The following PACRG variants were observed in gnomAD, a reference collection of about 807,000 sequenced individuals.
The protein encoded by PACRG is parkin coregulated, also known as parkin coregulated gene protein.
Under a neutral mutation model 29.7 loss-of-function variants are expected in PACRG, and 29 were observed. That is an observed-to-expected ratio of 0.98 (90% confidence interval 0.73 to 1.33). PACRG has a LOEUF of 1.33. PACRG is among the 40% of genes most tolerant of loss of function. PACRG has a pLI of 0.00. For missense variants in PACRG, 279 were observed against 316.2 expected (o/e 0.88, Z 0.89); for synonymous variants, 116 against 118.7 (o/e 0.98, Z 0.15).
chr6:162,823,372 C>A (rs9365493), intron 2 of PACRG, among the ~76,000 whole-genome samples: 10,564 of 152,056 alleles, frequency 0.069, 504 homozygotes, highest in East Asian at 0.28. Context: ...TACTCTGTCC[C>A]AATTTTCTGT....
chr6:162,743,645 T>C (rs571114653), intron 1 of PACRG, among the ~76,000 whole-genome samples: 18 of 152,314 alleles, frequency 1.2e-4, no homozygotes, highest in African/African-American at 4.3e-4. Context: ...TGCTTTCCAT[T>C]ATTAAACTTT....
chr6:163,233,704 T>A (rs1459226520), intron 4 of PACRG, among the ~76,000 whole-genome samples: 1 of 152,100 alleles, frequency 6.6e-6, no homozygotes, highest in Non-Finnish European at 1.5e-5. Context: ...AATGGAAATA[T>A]TTGAAAAATA....
intron 4 of PACRG, chr6:163,245,142 A>G (rs1019161111): frequency 1.8e-5 from 7 of 395,560 alleles, no homozygotes; most frequent in African/African-American, 1.5e-4. Flanking sequence ...ATTAATTCCA[A>G]ACTAAATAAA....
chr6:163,066,338 G>A (rs559757872), intron 3 of PACRG, among the ~76,000 whole-genome samples: 10 of 152,276 alleles, frequency 6.6e-5, no homozygotes, highest in Admixed American at 5.2e-4. Flanking sequence ...CACTGTGGAC[G>A]CAGTGACTGC....
At chr6:163,192,138 G>T (rs2128361695) in intron 4 of PACRG, 1 of 160,420 alleles carries the variant, frequency 6.2e-6, no homozygotes, top group Middle Eastern at 3.2e-3. Context: ...GTCCCCAGAA[G>T]CCAGCTGACT....
Position 163,158,986 on chromosome 6 carries a change from G to C in PACRG, c.613+69578G>C, listed in dbSNP as rs1778438504. ...TGAATAGACCTCTATCATGTTGCTT[G>C]GAGGTAGAACATGCCTTTAAGAATA... is the stretch of plus-strand genomic sequence containing the variant. On this transcript the variant is annotated intron_variant, in intron 4 of 4. Transcript: ENST00000366888. 2.0e-5 allele frequency among the ~76,000 whole-genome samples: 3 copies of C among 152,140 alleles called. No homozygotes were observed. In the South Asian group the frequency reaches 6.2e-4, roughly 31 times the overall value.
At chr6:162,743,518 T>G (rs933204688) in intron 1 of PACRG, among the ~76,000 whole-genome samples, 1 of 152,174 alleles carries the variant, frequency 6.6e-6, no homozygotes. Context: ...GTTTTTTCCT[T>G]GATTGGATTT....
At chr6:162,978,017 G>T (rs867063392) in intron 2 of PACRG, among the ~76,000 whole-genome samples, 1 of 151,624 alleles carries the variant, frequency 6.6e-6, no homozygotes, top group Non-Finnish European at 1.5e-5. Flanking sequence ...GTTGGCAGGC[G>T]CCTGTAATCC....
chr6:163,305,591 G>A (rs1042308789), intron 4 of PACRG, among the ~76,000 whole-genome samples: 12 of 152,140 alleles, frequency 7.9e-5, no homozygotes, highest in Admixed American at 6.5e-5. Flanking sequence ...AAAGATGGGG[G>A]TATGAAATGT....
chr6:163,279,993 C>T (rs1295302180), intron 4 of PACRG, among the ~76,000 whole-genome samples: 1 of 152,200 alleles, frequency 6.6e-6, no homozygotes, highest in African/African-American at 2.4e-5. Flanking sequence ...TGAGGTTCAT[C>T]CTTTGCACTG....
At chr6:162,924,151 T>C (rs1415372667) in intron 2 of PACRG, among the ~76,000 whole-genome samples, 1 of 152,126 alleles carries the variant, frequency 6.6e-6, no homozygotes, top group Non-Finnish European at 1.5e-5. Flanking sequence ...GTATAACTAT[T>C]GTAAATAGGA....
At chr6:163,223,175 C>A (rs1306924467) in intron 4 of PACRG, among the ~76,000 whole-genome samples, 7 of 152,160 alleles carry the variant, frequency 4.6e-5, no homozygotes, top group Non-Finnish European at 8.8e-5. Context: ...GGGTGAATCA[C>A]CTGAGGTCAG....
intron 2 of PACRG, among the ~76,000 whole-genome samples, chr6:162,906,461 G>T (rs1266605416): frequency 6.6e-6 from 1 of 152,284 alleles, no homozygotes; most frequent in Admixed American, 6.5e-5. Context: ...AATTTTAAAT[G>T]CCAGACCGTA....
chr6:163,154,521 G>A (rs573982119), intron 4 of PACRG, among the ~76,000 whole-genome samples: 38 of 152,238 alleles, frequency 2.5e-4, no homozygotes, highest in East Asian at 5.8e-4. Flanking sequence ...GGAAAGCTAC[G>A]GGGGAGAAAA....
At chr6:163,018,053 A>G (rs57529729) in intron 2 of PACRG, among the ~76,000 whole-genome samples, 1,673 of 152,098 alleles carry the variant, frequency 0.011, 23 homozygotes, top group South Asian at 0.041. Flanking sequence ...GTTTATTTTT[A>G]TCCCTTTCTC....
At chr6:162,827,797 G>C (rs772838952) in intron 2 of PACRG, among the ~76,000 whole-genome samples, 1 of 151,804 alleles carries the variant, frequency 6.6e-6, no homozygotes, top group Non-Finnish European at 1.5e-5. Flanking sequence ...CACCTCCTCT[G>C]CTCAGCCTCT....
chr6:163,106,310 T>C (rs1441132779), intron 4 of PACRG, among the ~76,000 whole-genome samples: 6 of 152,212 alleles, frequency 3.9e-5, no homozygotes, highest in Admixed American at 2.6e-4. Flanking sequence ...TACACTGTTA[T>C]AGACAAATCA....
chr6:163,289,114 C>A (rs1784493630), intron 4 of PACRG, among the ~76,000 whole-genome samples: 1 of 152,174 alleles, frequency 6.6e-6, no homozygotes, highest in Non-Finnish European at 1.5e-5. Context: ...ACCACACCAA[C>A]AAATTTGGAA....
intron 4 of PACRG, among the ~76,000 whole-genome samples, chr6:163,219,871 G>A (rs1206298663): frequency 1.3e-5 from 2 of 152,156 alleles, no homozygotes; most frequent in African/African-American, 4.8e-5. Flanking sequence ...TCCATGGGGT[G>A]CTCACCATTG....
Sources: allele counts gnomAD v4.1 joint callset (sites outside exome capture counted in the v4.1 genomes callset), GRCh38; gene constraint gnomAD v4.1.1; transcripts MANE v1.5; gene names NCBI Gene and HGNC (gene_info 2026-07-23, HGNC 2026-07-21).